Variants in EPHA3 observed in about 807,000 individuals in gnomAD.
EPHA3 encodes ephrin type-A receptor 3.
A neutral mutation model predicts 107.1 loss-of-function variants in EPHA3; 42 were observed. The ratio of observed to expected loss-of-function variants is 0.39; its 90% CI spans 0.31 to 0.51. The LOEUF is 0.51. EPHA3 is among the 20% of genes least tolerant of loss of function. The pLI is 0.78. For synonymous variants in EPHA3, 461 were observed against 424.8 expected (o/e 1.09, Z -1.05); for missense variants, 1,183 against 1,211.2 (o/e 0.98, Z 0.35).
At chr3:89,401,792 G>A (rs1306382566) in intron 7 of EPHA3, among the ~76,000 whole-genome samples, 3 of 152,016 alleles carry the variant, frequency 2.0e-5, no homozygotes, top group African/African-American at 7.2e-5. Flanking sequence ...TGTATTTTTA[G>A]TATAGATGGG....
chr3:89,214,347 A>G (rs1352302146), intron 3 of EPHA3, among the ~76,000 whole-genome samples: 2 of 151,972 alleles, frequency 1.3e-5, no homozygotes, highest in Non-Finnish European at 2.9e-5. Context: ...GACACAAGGT[A>G]TTTGAACGTC....
At chr3:89,470,086 A>C (rs1234491436) in intron 15 of EPHA3, among the ~76,000 whole-genome samples, 1 of 150,572 alleles carries the variant, frequency 6.6e-6, no homozygotes, top group Non-Finnish European at 1.5e-5. Flanking sequence ...ATAAAGTTTT[A>C]ACATTAATAC....
intron 15 of EPHA3, among the ~76,000 whole-genome samples, chr3:89,450,853 C>A (rs1404364076): frequency 6.6e-6 from 1 of 152,128 alleles, no homozygotes; most frequent in Non-Finnish European, 1.5e-5. Flanking sequence ...TTGCAACGAG[C>A]TGATATCATG....
chr3:89,194,471 A>T (rs756655718), intron 2 of EPHA3, among the ~76,000 whole-genome samples: 3 of 152,016 alleles, frequency 2.0e-5, no homozygotes, highest in South Asian at 4.1e-4. Flanking sequence ...TAGCTTTGAC[A>T]TTGGATGTGT....
At chr3:89,325,835 T>TA (rs1015658920) in intron 3 of EPHA3, among the ~76,000 whole-genome samples, 3 of 151,758 alleles carry the variant, frequency 2.0e-5, no homozygotes, top group Non-Finnish European at 4.4e-5. Flanking sequence ...TTTTATTTAA[T>TA]AAAAAAAGTT....
intron 15 of EPHA3, among the ~76,000 whole-genome samples, chr3:89,466,797 G>A (rs1213555630): frequency 7.8e-6 from 1 of 127,974 alleles, no homozygotes; most frequent in African/African-American, 2.9e-5. Context: ...CTTATGCGTC[G>A]CTCACGCTGG....
intron 2 of EPHA3, among the ~76,000 whole-genome samples, chr3:89,184,833 G>C (rs577898261): frequency 6.6e-6 from 1 of 152,152 alleles, no homozygotes; most frequent in South Asian, 2.1e-4. Flanking sequence ...GATAGCAGCA[G>C]TGATATTAGA....
At chr3:89,347,112 G>C (rs1707681671) in intron 5 of EPHA3, among the ~76,000 whole-genome samples, 1 of 143,884 alleles carries the variant, frequency 7.0e-6, no homozygotes, top group East Asian at 2.0e-4. Context: ...CTCTTTTTTG[G>C]TTCCATATGA....
At chr3:89,236,628 G>A (rs1169245696) in intron 3 of EPHA3, among the ~76,000 whole-genome samples, 2 of 150,684 alleles carry the variant, frequency 1.3e-5, no homozygotes, top group Non-Finnish European at 3.0e-5. Flanking sequence ...TATACCTAAT[G>A]CTAGAGGACG....
At chr3:89,363,882 A>G (rs1708141856) in intron 5 of EPHA3, among the ~76,000 whole-genome samples, 2 of 150,716 alleles carry the variant, frequency 1.3e-5, no homozygotes, top group Non-Finnish European at 3.0e-5. Context: ...TTTTCTTGGA[A>G]GACAATGCCC....
intron 3 of EPHA3, among the ~76,000 whole-genome samples, chr3:89,289,571 T>C (rs527387284): frequency 6.6e-6 from 1 of 152,256 alleles, no homozygotes; most frequent in South Asian, 2.1e-4. Context: ...ATAATATCTT[T>C]ATATATATCC....
chr3:89,255,907 T>A (rs1312450365), intron 3 of EPHA3, among the ~76,000 whole-genome samples: 4 of 150,288 alleles, frequency 2.7e-5, no homozygotes, highest in South Asian at 2.1e-4. Flanking sequence ...TCTCAAAAAA[T>A]AAATAAATAA....
In EPHA3 at chr3:89,228,800, A is replaced by C. The variant is rs367838259; in HGVS notation, c.814+18280A>C. On this transcript the variant is annotated intron_variant, in intron 3 of 16. Coordinates refer to ENST00000336596, the MANE Select transcript of EPHA3 (RefSeq NM_005233.6). ...GATATTGATAACCAGGAACGTAAAC[A>C]TTTTTTTAAAAGTTTTCTGAAGCCC... 3.9e-5 allele frequency among the ~76,000 whole-genome samples: 6 copies of C among 151,970 alleles called. No individual in the cohort carries two copies. In the South Asian group the frequency reaches 6.2e-4, roughly 16 times the overall value.
chr3:89,174,934 G>A (rs1705287550), intron 2 of EPHA3, among the ~76,000 whole-genome samples: 1 of 151,904 alleles, frequency 6.6e-6, no homozygotes, highest in Non-Finnish European at 1.5e-5. Flanking sequence ...GAAACATTGT[G>A]TGAACTAATT....
rs71105126 is a variant in EPHA3 at position 89,281,004 on chromosome 3, A to ATTTTTTATTTATTTATTTAT, written c.815-59910_815-59909insTTTTATTTATTTATTTATTT. On this transcript the variant is annotated intron_variant, in intron 3 of 16. Transcript: ENST00000336596. ...ACCATATGAATCTTACAAGATTTTTATTATTTATTTATTTATTTATTTATT... is the reference window on the plus strand; with the variant it reads ...ACCATATGAATCTTACAAGATTTTTATTTTTTATTTATTTATTTATTTATTTATTTATTTATTTATTTATT... 1.1e-3 allele frequency among the ~76,000 whole-genome samples: 162 copies of ATTTTTTATTTATTTATTTAT among 147,362 alleles called. 1 individual carries two copies. Among genetic ancestry groups the ATTTTTTATTTATTTATTTAT allele is most frequent in the African/African-American group, 3.3e-3 (129 of 39,102 alleles).
chr3:89,317,918 A>G (rs1198262673), intron 3 of EPHA3, among the ~76,000 whole-genome samples: 1 of 151,808 alleles, frequency 6.6e-6, no homozygotes, highest in Admixed American at 6.6e-5. Context: ...GATAAGTTAA[A>G]ATATTGTCTT....
chr3:89,321,226 C>G (rs1183649447), intron 3 of EPHA3, among the ~76,000 whole-genome samples: 1 of 151,970 alleles, frequency 6.6e-6, no homozygotes, highest in Non-Finnish European at 1.5e-5. Flanking sequence ...GAAGGAAGGT[C>G]TTTTGGCAAG....
At chr3:89,130,299 C>G (rs1209977211) in intron 2 of EPHA3, among the ~76,000 whole-genome samples, 1 of 152,118 alleles carries the variant, frequency 6.6e-6, no homozygotes, top group Non-Finnish European at 1.5e-5. Flanking sequence ...CAGGAAATGT[C>G]CATAACTAAG....
intron 2 of EPHA3, among the ~76,000 whole-genome samples, chr3:89,190,173 T>C (rs1405303796): frequency 6.6e-6 from 1 of 152,210 alleles, no homozygotes; most frequent in Non-Finnish European, 1.5e-5. Context: ...ACACTTTCCT[T>C]TACTTATTTT....
Sources: gnomAD v4.1 joint callset for allele counts (sites outside exome capture counted in the v4.1 genomes callset) on GRCh38, gnomAD v4.1.1 for gene constraint, MANE v1.5 for transcripts, NCBI Gene and HGNC (gene_info 2026-07-23, HGNC 2026-07-21) for gene names.